Variants in TRIO observed in about 807,000 individuals in gnomAD.
TRIO encodes the protein triple functional domain protein.
Under a neutral mutation model 351.9 loss-of-function variants are expected in TRIO, and 58 were observed. That is an observed-to-expected ratio of 0.16 (90% CI 0.13 to 0.21). The LOEUF is 0.21. TRIO is among the 10% of genes least tolerant of loss of function. The pLI is 1.00. For synonymous variants in TRIO, 1,758 were observed against 1,595.7 expected (o/e 1.10, Z -2.42); for missense variants, 3,201 against 4,027.8 (o/e 0.79, Z 5.56).
Position 14,203,737 on chromosome 5 carries a change from C to T in TRIO, c.157+59855C>T, listed in dbSNP as rs74792722. ...TCCTGTACTCTGTACAAGGGGGCCT[C>T]GCTCCCCTGGCAGTCACCTGCCCCT... On this transcript the variant is annotated intron_variant, in intron 1 of 56. Transcript: ENST00000344204. Among the ~76,000 whole-genome samples the T allele has an allele frequency of 5.3e-3, 811 of 152,206 alleles. 6 individuals carry two copies. The highest frequency in any genetic ancestry group is 0.018 in the African/African-American group (762 of 41,538).
chr5:14,181,371 G>A (rs368252265), intron 1 of TRIO, among the ~76,000 whole-genome samples: 1 of 152,180 alleles, frequency 6.6e-6, no homozygotes, highest in East Asian at 1.9e-4. Context: ...CTTCACCCGA[G>A]CCCAGACAAA....
intron 11 of TRIO, among the ~76,000 whole-genome samples, chr5:14,338,032 T>G (rs1181616833): frequency 6.6e-6 from 1 of 152,138 alleles, no homozygotes; most frequent in African/African-American, 2.4e-5. Flanking sequence ...AAGAGGCTAT[T>G]TTTTTGAGGA....
chr5:14,387,836 C>G lies in TRIO; in HGVS notation c.3870C>G (p.Ala1290=). ...TTAATGAAGAGAAGCGGAAATCTGC[C>G]CGCAGGAAAGAGTAAGCCAGTCTTT... The part of the protein sequence containing the change: ...HELNEEKRKS[A]RRKEFIMAEL... Residue 1290 remains alanine, a synonymous_variant, in exon 23 of 57, where the codon GCC becomes GCG. Coordinates refer to ENST00000344204, the MANE Select transcript of TRIO (RefSeq NM_007118.4). 6.2e-7 allele frequency: 1 copy of G among 1,613,924 alleles called. No individual in the cohort carries two copies. Among genetic ancestry groups the G allele is most frequent in the Non-Finnish European group, 8.5e-7 (1 of 1,179,962 alleles).
chr5:14,233,158 T>C (rs969449944), intron 1 of TRIO, among the ~76,000 whole-genome samples: 3 of 152,030 alleles, frequency 2.0e-5, no homozygotes, highest in Admixed American at 6.6e-5. Flanking sequence ...GATAAGACCA[T>C]ATCATCTTGA....
chr5:14,270,425 T>A (rs1795914969), intron 1 of TRIO, among the ~76,000 whole-genome samples: 1 of 152,226 alleles, frequency 6.6e-6, no homozygotes, highest in African/African-American at 2.4e-5. Flanking sequence ...TTTTAGGATG[T>A]CACAAGCAGC....
At chr5:14,414,269 A>G (rs1749452477) in intron 33 of TRIO, among the ~76,000 whole-genome samples, 1 of 152,262 alleles carries the variant, frequency 6.6e-6, no homozygotes, top group Non-Finnish European at 1.5e-5. Context: ...TCACTGGGAT[A>G]TGCTAAAAGC....
At chr5:14,483,286 T>C (rs1755667545) in intron 46 of TRIO, among the ~76,000 whole-genome samples, 1 of 152,108 alleles carries the variant, frequency 6.6e-6, no homozygotes, top group Non-Finnish European at 1.5e-5. Flanking sequence ...TAATTGCCAA[T>C]GGCCCTCAAG....
intron 11 of TRIO, among the ~76,000 whole-genome samples, chr5:14,350,723 C>T (rs900719011): frequency 6.6e-6 from 1 of 152,186 alleles, no homozygotes; most frequent in African/African-American, 2.4e-5. Flanking sequence ...TGGATAATTA[C>T]TTCATGATGC....
chr5:14,291,526 C>T (rs1054909953), intron 5 of TRIO, among the ~76,000 whole-genome samples: 2 of 151,838 alleles, frequency 1.3e-5, no homozygotes, highest in African/African-American at 2.4e-5. Context: ...GCCGTGCTCA[C>T]GCCTGTAATC....
chr5:14,161,237 G>A (rs1223991895), intron 1 of TRIO, among the ~76,000 whole-genome samples: 1 of 152,156 alleles, frequency 6.6e-6, no homozygotes, highest in Non-Finnish European at 1.5e-5. Context: ...AGATCAGTCT[G>A]TCCTTTGTAG....
At chr5:14,406,432 G>A (rs1561452777) in intron 32 of TRIO, 141 bp from the exon 33 acceptor site, 1 of 754,912 alleles carries the variant, frequency 1.3e-6, no homozygotes, top group Non-Finnish European at 2.3e-6. Flanking sequence ...CTCGGTGAAG[G>A]GTGCCTTAAC....
intron 1 of TRIO, among the ~76,000 whole-genome samples, chr5:14,245,733 C>T (rs1794398679): frequency 6.6e-6 from 1 of 152,188 alleles, no homozygotes; most frequent in Admixed American, 6.5e-5. Flanking sequence ...GAGAAGAACA[C>T]GGGGCAAATG....
intron 53 of TRIO, 74 bp downstream of exon 53, chr5:14,498,714 T>C: frequency 6.3e-7 from 1 of 1,581,390 alleles, no homozygotes; most frequent in East Asian, 2.3e-5. Context: ...AAGTCCTGAG[T>C]CTGCCCTTAC....
chr5:14,380,397 T>C (rs1579483445), intron 20 of TRIO, among the ~76,000 whole-genome samples: 2 of 152,136 alleles, frequency 1.3e-5, no homozygotes, highest in East Asian at 1.9e-4. Context: ...CGCAGACCTC[T>C]GGGTTTCTCA....
chr5:14,479,195 G>A, intron 41 of TRIO, 66 bp from the exon 42 acceptor site: 2 of 1,313,712 alleles, frequency 1.5e-6, no homozygotes, highest in Non-Finnish European at 2.2e-6. Flanking sequence ...AAATGTGCGG[G>A]TACTCGTGTA....
At chr5:14,219,901 C>T (rs1246409131) in intron 1 of TRIO, among the ~76,000 whole-genome samples, 10 of 150,336 alleles carry the variant, frequency 6.7e-5, no homozygotes, top group Non-Finnish European at 1.0e-4. Context: ...TATCAGAGTT[C>T]ATTGCACATA....
At chr5:14,496,287 T>C (rs1274717028) in intron 49 of TRIO, among the ~76,000 whole-genome samples, 1 of 152,178 alleles carries the variant, frequency 6.6e-6, no homozygotes, top group Non-Finnish European at 1.5e-5. Flanking sequence ...CTAAAAGGTA[T>C]GCCTGTCTAG....
At chr5:14,400,162 G>C (rs959370467) in intron 30 of TRIO, among the ~76,000 whole-genome samples, 1 of 152,134 alleles carries the variant, frequency 6.6e-6, no homozygotes, top group Non-Finnish European at 1.5e-5. Context: ...ATCATTTTAG[G>C]TCACATTCTG....
At chr5:14,290,644 T>C in intron 4 of TRIO, 72 bp from the exon 5 acceptor site, 1 of 1,455,780 alleles carries the variant, frequency 6.9e-7, no homozygotes, top group Non-Finnish European at 9.2e-7. Context: ...TGACTGAGCA[T>C]TGCAAATTGC....
Sources: gnomAD v4.1 joint callset for allele counts (sites outside exome capture counted in the v4.1 genomes callset) on GRCh38, gnomAD v4.1.1 for gene constraint, MANE v1.5 for transcripts, NCBI Gene and HGNC (gene_info 2026-07-23, HGNC 2026-07-21) for gene names.